CLSTN1: variants seen among roughly 807,000 people sequenced by gnomAD.
The protein encoded by CLSTN1 is calsyntenin-1.
CLSTN1 carries 28 observed loss-of-function variants against 108.3 expected under a neutral mutation model. The ratio of observed to expected loss-of-function variants is 0.26; its 90% CI spans 0.19 to 0.35. The LOEUF (loss-of-function observed/expected upper bound fraction) is 0.35, where lower values mean the gene tolerates loss of function less well. Ranked by LOEUF, CLSTN1 falls within the 10% of genes least tolerant of loss-of-function variation. The probability of loss-of-function intolerance (pLI) is 1.00; values close to 1 mark genes in which losing one functional copy is unlikely to be tolerated. For missense variants in CLSTN1, 1,157 were observed against 1,302.6 expected (o/e 0.89, Z 1.72); for synonymous variants, 524 against 534.9 (o/e 0.98, Z 0.28).
chr1:9,751,048 G>C (rs1453392731), intron 5 of CLSTN1, among the ~76,000 whole-genome samples: 2 of 151,888 alleles, frequency 1.3e-5, no homozygotes, highest in Non-Finnish European at 2.9e-5. Context: ...CTGGGGAACA[G>C]AGTGAGAAAC....
At chr1:9,743,756 T>C in intron 9 of CLSTN1, 128 bp downstream of exon 9, 2 of 974,114 alleles carry the variant, frequency 2.1e-6, no homozygotes, top group Non-Finnish European at 3.0e-6. Context: ...AGGATCTTAG[T>C]AATGTTGCCC....
intron 1 of CLSTN1, among the ~76,000 whole-genome samples, chr1:9,815,544 T>A (rs1654935698): frequency 6.6e-6 from 1 of 152,244 alleles, no homozygotes; most frequent in South Asian, 2.1e-4. Flanking sequence ...GTGAAATGTG[T>A]ATTTGATTCG....
rs1382624340 is a variant in CLSTN1, at chr1:9,734,072, C to T, written c.2181G>A (p.Glu727=). 2 of 1,614,186 alleles carry T rather than the reference C, an allele frequency of 1.2e-6. No individual in the cohort carries two copies. Among genetic ancestry groups the T allele is most frequent in the Non-Finnish European group, 1.7e-6 (2 of 1,180,030 alleles). The change falls in exon 15 of 19, where the codon GAG becomes GAA. Residue 727 remains glutamate, a synonymous_variant. Transcript: ENST00000377298. The surrounding 1 kb of genome is among the most constrained non-coding windows in gnomAD (Gnocchi z 4.8). ...LDTCEVTVEG[E]ELNHEQESLE... Reference sequence around the variant, plus strand: ...GGCTCTCCTGCTCGTGGTTCAGCTCCTCTCCCTCCACCGTGACCTCACAGG... The same window carrying T: ...GGCTCTCCTGCTCGTGGTTCAGCTCTTCTCCCTCCACCGTGACCTCACAGG...
At position 9,751,456 on chromosome 1, in the gene CLSTN1, G is replaced by C. The variant is rs1234206196; in HGVS notation, c.649+17C>G. ...GGACTGTCTACCTAGCTGAAAAGCC[G>C]GCTCCTCGATTCTTACCATCTTTGT... On this transcript the variant is annotated intron_variant, in intron 5 of 18. Coordinates refer to ENST00000377298, the MANE Select transcript of CLSTN1 (RefSeq NM_001009566.3). 6.2e-7 allele frequency: 1 copy of C among 1,613,096 alleles called. No homozygotes were observed. Among genetic ancestry groups the C allele is most frequent in the Non-Finnish European group, 8.5e-7 (1 of 1,179,198 alleles).
chr1:9,760,655 G>C (rs1158252734), intron 2 of CLSTN1, among the ~76,000 whole-genome samples: 1 of 148,176 alleles, frequency 6.7e-6, no homozygotes, highest in African/African-American at 2.5e-5. Context: ...GAGTAGCTCA[G>C]ACCACAGGTG....
At chr1:9,817,992 T>G (rs1570530595) in intron 1 of CLSTN1, among the ~76,000 whole-genome samples, 1 of 139,622 alleles carries the variant, frequency 7.2e-6, no homozygotes, top group Middle Eastern at 3.7e-3. Context: ...TTTGAGGGTC[T>G]GTTAGTTTGG....
intron 10 of CLSTN1, among the ~76,000 whole-genome samples, chr1:9,738,448 C>T (rs1034673031): frequency 2.0e-5 from 3 of 152,158 alleles, no homozygotes; most frequent in African/African-American, 4.8e-5. Flanking sequence ...GAGGTGTATC[C>T]AGGTGAAGCC....
chr1:9,805,966 C>T (rs1234721502), intron 1 of CLSTN1, among the ~76,000 whole-genome samples: 4 of 151,520 alleles, frequency 2.6e-5, no homozygotes, highest in African/African-American at 9.7e-5. Flanking sequence ...TAGGTTCTCA[C>T]TTTTTATTTC....
At chr1:9,743,430 G>A (rs1359395418) in intron 9 of CLSTN1, among the ~76,000 whole-genome samples, 2 of 152,186 alleles carry the variant, frequency 1.3e-5, no homozygotes, top group Non-Finnish European at 1.5e-5. Flanking sequence ...TTAGCTGGGT[G>A]TGGTGGCATG....
In CLSTN1 at chr1:9,734,681, G is replaced by A. The variant is rs555350169; in HGVS notation, c.2110+267C>T. 4.6e-5 allele frequency among the ~76,000 whole-genome samples: 7 copies of A among 151,806 alleles called. No homozygotes were observed. Among genetic ancestry groups the A allele is most frequent in the South Asian group, 2.1e-4 (1 of 4,790 alleles). Reference sequence around the variant, plus strand: ...CTGGCAGGTGCAAGCAGTGTCTCCCGTAAGTGCCCTCAACCCCTCAACCTC... The same window carrying A: ...CTGGCAGGTGCAAGCAGTGTCTCCCATAAGTGCCCTCAACCCCTCAACCTC... On this transcript the variant is annotated intron_variant, in intron 14 of 18. Transcript: ENST00000377298. The surrounding 1 kb of genome is among the most constrained non-coding windows in gnomAD (Gnocchi z 4.8).
chr1:9,820,346 C>G (rs1387010043), intron 1 of CLSTN1, among the ~76,000 whole-genome samples: 1 of 152,050 alleles, frequency 6.6e-6, no homozygotes, highest in Non-Finnish European at 1.5e-5. Flanking sequence ...TGGTGAAACC[C>G]TGTCTCTACT....
chr1:9,750,256 G>A (rs1651489452), intron 5 of CLSTN1: 1 of 192,548 alleles, frequency 5.2e-6, no homozygotes, highest in Non-Finnish European at 1.1e-5. Context: ...TTAAATATAA[G>A]ATCGCTGATC....
chr1:9,777,910 T>C (rs1023939921), intron 1 of CLSTN1, among the ~76,000 whole-genome samples: 1 of 152,076 alleles, frequency 6.6e-6, no homozygotes, highest in Non-Finnish European at 1.5e-5. Context: ...TCGGGCTCTG[T>C]TGAAAAGGTC....
chr1:9,736,821 C>T (rs1650715233), intron 11 of CLSTN1, among the ~76,000 whole-genome samples: 1 of 152,152 alleles, frequency 6.6e-6, no homozygotes. Flanking sequence ...CGCCTGTAAT[C>T]CCAGCGCTTC....
chr1:9,821,687 CTG>C (rs1233820467), intron 1 of CLSTN1, among the ~76,000 whole-genome samples: 2 of 152,144 alleles, frequency 1.3e-5, no homozygotes, highest in East Asian at 3.8e-4. Context: ...TGTCTCCAAA[CTG>C]TAAATTTACA....
chr1:9,738,346 A>AAGCCCTGC (rs982062397), intron 10 of CLSTN1, among the ~76,000 whole-genome samples: 5 of 152,308 alleles, frequency 3.3e-5, no homozygotes, highest in East Asian at 1.9e-4. Flanking sequence ...GCCACTCCTC[A>AAGCCCTGC]AGCCCTGCAG....
intron 15 of CLSTN1, among the ~76,000 whole-genome samples, 183 bp downstream of exon 15, chr1:9,733,789 C>T (rs534437184): frequency 2.6e-5 from 4 of 152,276 alleles, no homozygotes; most frequent in South Asian, 2.1e-4. Flanking sequence ...GCTACACATC[C>T]GGTACCTGTC....
At chr1:9,760,093 G>C (rs1286050893) in intron 2 of CLSTN1, among the ~76,000 whole-genome samples, 1 of 151,798 alleles carries the variant, frequency 6.6e-6, no homozygotes, top group Non-Finnish European at 1.5e-5. Context: ...TTTAGAGACA[G>C]GGTTTCCCTC....
chr1:9,776,274 CCTCT>C (rs1306363829), intron 1 of CLSTN1, among the ~76,000 whole-genome samples: 6 of 152,088 alleles, frequency 3.9e-5, no homozygotes, highest in African/African-American at 7.2e-5. Flanking sequence ...GCCGCTGCCT[CCTCT>C]CTAATTAATG....
Sources: allele counts gnomAD v4.1 joint callset (sites outside exome capture counted in the v4.1 genomes callset), GRCh38; gene constraint gnomAD v4.1.1; non-coding constraint Gnocchi (gnomAD v3.1); transcripts MANE v1.5; gene names NCBI Gene and HGNC (gene_info 2026-07-23, HGNC 2026-07-21).